ROR1: variants seen among roughly 807,000 people sequenced by gnomAD.
The protein encoded by ROR1 is ROR family WNT receptor 1, also known as inactive tyrosine-protein kinase transmembrane receptor ROR1.
ROR1 carries 19 observed loss-of-function variants against 78.8 expected under a neutral mutation model. The ratio of observed to expected loss-of-function variants is 0.24; its 90% CI spans 0.17 to 0.35. The LOEUF (loss-of-function observed/expected upper bound fraction) is 0.35. ROR1 is among the 10% of genes least tolerant of loss of function. ROR1 has a pLI of 1.00. For synonymous variants in ROR1, 386 were observed against 433.6 expected (o/e 0.89, Z 1.36); for missense variants, 917 against 1,177.8 (o/e 0.78, Z 3.24).
In ROR1 at chr1:63,817,714, C is replaced by T. The variant is rs151200844; in HGVS notation, c.91+43206C>T. Among the ~76,000 whole-genome samples the T allele has an allele frequency of 5.5e-4, 84 of 152,260 alleles. No homozygotes were observed. The East Asian group carries it at 0.013, about 23-fold the overall frequency. ...CAAAGTGCAGTTACTGGGACTCACT[C>T]GAGAAGGGTTAAAGGGAGGGCAGAA... On this transcript the variant is annotated intron_variant, in intron 1 of 8. Transcript: ENST00000371079.
intron 1 of ROR1, among the ~76,000 whole-genome samples, chr1:63,988,012 A>G (rs1468250408): frequency 6.6e-6 from 1 of 152,188 alleles, no homozygotes; most frequent in African/African-American, 2.4e-5. Flanking sequence ...TAATTGTTTC[A>G]GGGCCTTCAT....
intron 5 of ROR1, among the ~76,000 whole-genome samples, chr1:64,138,288 T>G (rs1006503670): frequency 1.3e-5 from 2 of 152,186 alleles, no homozygotes; most frequent in African/African-American, 2.4e-5. Context: ...AAATAAAAAT[T>G]CAGGATACCC....
At chr1:64,062,275 G>A (rs1420766924) in intron 4 of ROR1, among the ~76,000 whole-genome samples, 7 of 152,246 alleles carry the variant, frequency 4.6e-5, no homozygotes, top group African/African-American at 1.7e-4. Context: ...GCCTCTTAAT[G>A]TCTTCATGTG....
At chr1:63,788,783 C>A (rs1359326567) in intron 1 of ROR1, 1 of 575,406 alleles carries the variant, frequency 1.7e-6, no homozygotes, top group South Asian at 1.5e-5. Flanking sequence ...TGGAGGCACT[C>A]TTTATGGCGC....
rs187236088 is a variant in ROR1, at chr1:64,140,329, G to A, written c.831G>A (p.Leu277=). The A allele has an allele frequency of 2.5e-6, 4 of 1,614,164 alleles. No homozygotes were observed. Among genetic ancestry groups the A allele is most frequent in the East Asian group, 2.2e-5 (1 of 44,878 alleles). Residue 277 remains leucine, a synonymous_variant, in exon 6 of 9, where the codon CTG becomes CTA. Transcript: ENST00000371079. Reference sequence around the variant, plus strand: ...CAAATCCCATGATTCTGATGAGGCTGAAACTGCCAAACTGTGAAGATCTCC... The same window carrying A: ...CAAATCCCATGATTCTGATGAGGCTAAAACTGCCAAACTGTGAAGATCTCC... ...ARSNPMILMR[L]KLPNCEDLPQ...
chr1:64,030,650 G>A (rs1206192137), intron 2 of ROR1, among the ~76,000 whole-genome samples: 1 of 152,032 alleles, frequency 6.6e-6, no homozygotes, highest in African/African-American at 2.4e-5. Context: ...GAATGCTCTG[G>A]GGGTGTTGGT....
chr1:63,967,421 C>T (rs184704584), intron 1 of ROR1, among the ~76,000 whole-genome samples: 2 of 152,212 alleles, frequency 1.3e-5, no homozygotes, highest in Non-Finnish European at 2.9e-5. Context: ...AATGGATTCT[C>T]GCTATGATGC....
intron 2 of ROR1, among the ~76,000 whole-genome samples, chr1:64,023,012 A>G (rs750226753): frequency 1.6e-4 from 25 of 152,196 alleles, no homozygotes; most frequent in East Asian, 3.9e-4. Context: ...AACTCTAATA[A>G]TGCGATCATC....
At chr1:63,940,278 T>C (rs1178579015) in intron 1 of ROR1, among the ~76,000 whole-genome samples, 2 of 152,128 alleles carry the variant, frequency 1.3e-5, no homozygotes, top group Non-Finnish European at 2.9e-5. Flanking sequence ...GAGCACTTTG[T>C]TGTACCAGAA....
intron 1 of ROR1, among the ~76,000 whole-genome samples, chr1:63,854,255 C>T (rs1216648726): frequency 6.6e-6 from 1 of 152,148 alleles, no homozygotes; most frequent in South Asian, 2.1e-4. Context: ...AGGCATTCTT[C>T]AGTAGACTTG....
In ROR1 at chr1:64,145,544, A is replaced by G. The variant is rs114172735; in HGVS notation, c.1174+2894A>G. ...TACACCTTCATATGGGCTTTAATAT[A>G]CTTTCATACGTATTACAAAGTAACC... On this transcript the variant is annotated intron_variant, in intron 7 of 8. Transcript: ENST00000371079. Among the ~76,000 whole-genome samples, 774 of 152,290 alleles carry G rather than the reference A, an allele frequency of 5.1e-3. 3 individuals are homozygous for G. The highest frequency in any genetic ancestry group is 0.018 in the African/African-American group (738 of 41,562).
intron 1 of ROR1, among the ~76,000 whole-genome samples, chr1:63,855,730 C>T (rs1194612623): frequency 6.6e-6 from 1 of 151,540 alleles, no homozygotes; most frequent in Admixed American, 6.6e-5. Context: ...CTCACTGCAA[C>T]CTCCGCCTCC....
chr1:63,851,405 C>T (rs1264373980), intron 1 of ROR1, among the ~76,000 whole-genome samples: 3 of 152,138 alleles, frequency 2.0e-5, no homozygotes, highest in East Asian at 3.8e-4. Flanking sequence ...TGCTTTAAAA[C>T]GTCTTAAAAA....
chr1:63,808,610 C>G (rs1644842917), intron 1 of ROR1, among the ~76,000 whole-genome samples: 1 of 152,140 alleles, frequency 6.6e-6, no homozygotes, highest in Admixed American at 6.5e-5. Flanking sequence ...GTGGTCAGCG[C>G]ATACATTTAA....
Position 64,178,803 on chromosome 1 carries a change from G to C in ROR1, c.2762G>C (p.Gly921Ala). Residue 921 changes from glycine to alanine, a missense_variant, in exon 9 of 9, where the codon GGA becomes GCA. Physicochemically the swap from Gly to Ala is moderately conservative, Grantham distance 60. This residue lies in a region of ROR1 where 835 missense variants were observed against 1,069.8 expected (regional missense o/e 0.78). Coordinates refer to ENST00000371079, the MANE Select transcript of ROR1 (RefSeq NM_005012.4). This position sits in a 1 kb window ranked among gnomAD's most constrained non-coding sequence, Gnocchi z 4.3. ...KIDSKQASLL[G>A]DANIHGHTES... ...GACTCAAAGCAAGCATCTTTACTAGGAGACGCCAATATTCATGGACACACC... is the reference window on the plus strand; with the variant it reads ...GACTCAAAGCAAGCATCTTTACTAGCAGACGCCAATATTCATGGACACACC... The C allele has an allele frequency of 6.2e-7, 1 of 1,614,050 alleles. No homozygotes were observed. Among genetic ancestry groups the C allele is most frequent in the Non-Finnish European group, 8.5e-7 (1 of 1,180,022 alleles).
intron 1 of ROR1, among the ~76,000 whole-genome samples, chr1:63,998,893 G>C (rs1646360851): frequency 6.6e-6 from 1 of 152,180 alleles, no homozygotes. Context: ...CCCCTGTACT[G>C]TTCTTGTGGT....
intron 1 of ROR1, 117 bp from the exon 2 acceptor site, chr1:64,009,188 T>G: frequency 2.6e-6 from 2 of 770,150 alleles, no homozygotes; most frequent in Admixed American, 3.8e-5. Context: ...GGGATTGCCG[T>G]GGTCTCTCTC....
At chr1:63,840,671 T>C (rs1191960585) in intron 1 of ROR1, among the ~76,000 whole-genome samples, 1 of 152,090 alleles carries the variant, frequency 6.6e-6, no homozygotes, top group African/African-American at 2.4e-5. Context: ...TTTCAAAGAG[T>C]TCAGTTCTTT....
At chr1:64,174,890 T>C (rs1212649113) in intron 8 of ROR1, among the ~76,000 whole-genome samples, 3 of 152,032 alleles carry the variant, frequency 2.0e-5, no homozygotes, top group African/African-American at 4.8e-5. Flanking sequence ...CTCAAAGGAA[T>C]TCTACAAGCT....
Sources: gnomAD v4.1 joint callset for allele counts (sites outside exome capture counted in the v4.1 genomes callset) on GRCh38, gnomAD v4.1.1 for gene constraint, gnomAD v4.1.1 regional missense constraint, Gnocchi (gnomAD v3.1) non-coding constraint, MANE v1.5 for transcripts, NCBI Gene and HGNC (gene_info 2026-07-23, HGNC 2026-07-21) for gene names.